SLC24A4: variants seen among roughly 807,000 people sequenced by gnomAD.
SLC24A4 encodes the protein sodium/potassium/calcium exchanger 4.
A neutral mutation model predicts 79.0 loss-of-function variants in SLC24A4; 53 were observed. The observed-to-expected ratio is 0.67, with a 90% CI of 0.54 to 0.84. The LOEUF is 0.84. SLC24A4 is among the 40% of genes least tolerant of loss of function. The pLI is 0.00. For missense variants in SLC24A4, 731 were observed against 822.0 expected (o/e 0.89, Z 1.35); for synonymous variants, 323 against 323.8 (o/e 1.00, Z 0.03).
intron 7 of SLC24A4, among the ~76,000 whole-genome samples, chr14:92,444,963 A>G (rs987833983): frequency 8.7e-5 from 13 of 149,648 alleles, no homozygotes; most frequent in Non-Finnish European, 1.6e-4. Flanking sequence ...ACACACACAC[A>G]CACACACACT....
At chr14:92,409,619 C>T (rs1890597647) in intron 2 of SLC24A4, among the ~76,000 whole-genome samples, 1 of 152,152 alleles carries the variant, frequency 6.6e-6, no homozygotes, top group African/African-American at 2.4e-5. Flanking sequence ...GGGAGTATCC[C>T]CAGTCTTCCC....
intron 12 of SLC24A4, among the ~76,000 whole-genome samples, chr14:92,459,275 G>A (rs954995945): frequency 6.6e-6 from 1 of 152,238 alleles, no homozygotes; most frequent in Non-Finnish European, 1.5e-5. Context: ...CCTTGTCCTT[G>A]TACTGGGAGC....
intron 2 of SLC24A4, among the ~76,000 whole-genome samples, chr14:92,408,205 C>T (rs199894870): frequency 2.9e-5 from 3 of 103,986 alleles, no homozygotes; most frequent in African/African-American, 9.2e-5. Flanking sequence ...GTGTGTGTTT[C>T]ACATCCACAA....
intron 5 of SLC24A4, 44 bp downstream of exon 5, chr14:92,442,217 C>T: frequency 6.6e-7 from 1 of 1,525,724 alleles, no homozygotes; most frequent in African/African-American, 1.4e-5. Flanking sequence ...CTAGAGAGTC[C>T]ATTTGGTGCC....
At chr14:92,419,089 A>C (rs188163941) in intron 2 of SLC24A4, among the ~76,000 whole-genome samples, 1 of 152,164 alleles carries the variant, frequency 6.6e-6, no homozygotes, top group South Asian at 2.1e-4. Context: ...CTTAAAGTCC[A>C]TTGATTGTAG....
At chr14:92,396,798 G>A (rs558657421) in intron 2 of SLC24A4, among the ~76,000 whole-genome samples, 11 of 152,206 alleles carry the variant, frequency 7.2e-5, no homozygotes, top group Admixed American at 2.6e-4. Flanking sequence ...TTGTGTGGCC[G>A]TCTGTTGAGT....
chr14:92,385,366 G>A lies in SLC24A4; in HGVS notation c.242-48546G>A, dbSNP rs148968688. On this transcript the variant is annotated intron_variant, in intron 2 of 16. Transcript: ENST00000532405. ...CTAAAAATACAAAAATTAACTGGGCGTGTGCGTGTAATCTCAGCTGCTCGG... is the reference window on the plus strand; with the variant it reads ...CTAAAAATACAAAAATTAACTGGGCATGTGCGTGTAATCTCAGCTGCTCGG... 3.0e-3 allele frequency among the ~76,000 whole-genome samples: 456 copies of A among 152,140 alleles called. 3 individuals carry two copies. The highest frequency in any genetic ancestry group is 0.01 in the African/African-American group (430 of 41,496).
chr14:92,444,779 T>G (rs1414091413), intron 7 of SLC24A4, among the ~76,000 whole-genome samples: 1 of 152,048 alleles, frequency 6.6e-6, no homozygotes, highest in Non-Finnish European at 1.5e-5. Context: ...TGCTTGAACC[T>G]GGGAGACGGA....
chr14:92,409,393 G>A (rs991980639), intron 2 of SLC24A4, among the ~76,000 whole-genome samples: 6 of 152,228 alleles, frequency 3.9e-5, no homozygotes, highest in African/African-American at 1.4e-4. Context: ...CTGCCTGGGA[G>A]CGAGGGATGG....
intron 3 of SLC24A4, 136 bp from the exon 4 acceptor site, chr14:92,439,199 G>T (rs1595281452): frequency 1.5e-6 from 1 of 677,068 alleles, no homozygotes; most frequent in East Asian, 2.6e-5. Context: ...GAAATCTATG[G>T]TGCTGGAGTT....
chr14:92,355,177 A>G (rs1887107096), intron 2 of SLC24A4, among the ~76,000 whole-genome samples: 1 of 152,188 alleles, frequency 6.6e-6, no homozygotes, highest in Non-Finnish European at 1.5e-5. Flanking sequence ...AATATCATCT[A>G]GGCTGTCCTG....
At chr14:92,333,894 G>A (rs2141601557) in intron 2 of SLC24A4, among the ~76,000 whole-genome samples, 1 of 151,994 alleles carries the variant, frequency 6.6e-6, no homozygotes, top group African/African-American at 2.4e-5. Context: ...GCTAGGAGGA[G>A]ATGAGATCAC....
intron 12 of SLC24A4, among the ~76,000 whole-genome samples, chr14:92,458,938 G>A (rs1168418058): frequency 6.6e-6 from 1 of 152,168 alleles, no homozygotes; most frequent in African/African-American, 2.4e-5. Context: ...GAGGGGTGGG[G>A]CGAGGAGGAG....
intron 4 of SLC24A4, 62 bp downstream of exon 4, chr14:92,439,471 C>T: frequency 6.7e-7 from 1 of 1,496,272 alleles, no homozygotes; most frequent in Non-Finnish European, 9.3e-7. Context: ...ACATAAATGC[C>T]AAGCCAAGAA....
At chr14:92,468,982 A>C (rs1253311938) in intron 12 of SLC24A4, among the ~76,000 whole-genome samples, 1 of 152,052 alleles carries the variant, frequency 6.6e-6, no homozygotes, top group Non-Finnish European at 1.5e-5. Flanking sequence ...AAAATGGACA[A>C]AAGATTTGAA....
chr14:92,358,479 C>T (rs867999451), intron 2 of SLC24A4, among the ~76,000 whole-genome samples: 3 of 152,014 alleles, frequency 2.0e-5, no homozygotes, highest in Admixed American at 6.6e-5. Flanking sequence ...CCGCTCACTC[C>T]GCTTGTCCGT....
At chr14:92,474,325 G>T (rs1894593168) in intron 12 of SLC24A4, among the ~76,000 whole-genome samples, 1 of 152,116 alleles carries the variant, frequency 6.6e-6, no homozygotes, top group African/African-American at 2.4e-5. Context: ...CAGGGGCGGG[G>T]CTGGGAGCTC....
chr14:92,412,555 C>T (rs944497792), intron 2 of SLC24A4, among the ~76,000 whole-genome samples: 1 of 152,198 alleles, frequency 6.6e-6, no homozygotes, highest in African/African-American at 2.4e-5. Context: ...GCCCACAGCC[C>T]TCCTGTCCCC....
intron 2 of SLC24A4, among the ~76,000 whole-genome samples, chr14:92,351,637 A>C (rs1411502612): frequency 6.6e-6 from 1 of 152,158 alleles, no homozygotes; most frequent in Non-Finnish European, 1.5e-5. Context: ...CGGGTGGATC[A>C]CTTGAAGCCA....
Sources: allele counts gnomAD v4.1 joint callset (sites outside exome capture counted in the v4.1 genomes callset), GRCh38; gene constraint gnomAD v4.1.1; transcripts MANE v1.5; gene names NCBI Gene and HGNC (gene_info 2026-07-23, HGNC 2026-07-21).